OR4D9: variants seen among roughly 807,000 people sequenced by gnomAD.
OR4D9 encodes olfactory receptor 4D9.
OR4D9 carries 2 observed loss-of-function variants against 0.8 expected under a neutral mutation model. That is an observed-to-expected ratio of 2.58 (90% confidence interval 1.06 to 8.13). The LOEUF (loss-of-function observed/expected upper bound fraction) is 8.13. OR4D9 is among the 30% of genes most tolerant of loss of function. OR4D9 has a pLI of 0.04. For synonymous variants in OR4D9, 146 were observed against 151.2 expected, an observed-to-expected ratio of 0.97 and a Z score of 0.25; for missense variants, 399 against 384.7, an observed-to-expected ratio of 1.04 and a Z score of -0.31.
At chr11:59,513,948 G>T (rs1859365603) in intron 1 of OR4D9, among the ~76,000 whole-genome samples, 1 of 152,090 alleles carries the variant, frequency 6.6e-6, no homozygotes. Context: ...TCCAGCCTGG[G>T]CGACAGAGTG....
At position 59,514,696 on chromosome 11, in the gene OR4D9, C is replaced by G; in HGVS notation, c.-101C>G. On this transcript the variant is annotated 5_prime_UTR_variant, in exon 2 of 3. Transcript: ENST00000641962. ...AGCAGCAGCAGTGAGAGAACTTTGT[C>G]TCCTGGGATGACTGAATCAAAAACC... 1 of 476,548 alleles carries G rather than the reference C, an allele frequency of 2.1e-6. No homozygotes were observed. The highest frequency in any genetic ancestry group is 3.7e-6 in the Non-Finnish European group (1 of 273,008). 29.5% of individuals were successfully genotyped at this position (476,548 alleles called of 1,614,324 possible).
At chr11:59,513,157 C>A (rs995804668) in intron 1 of OR4D9, among the ~76,000 whole-genome samples, 8 of 152,100 alleles carry the variant, frequency 5.3e-5, no homozygotes, top group African/African-American at 1.9e-4. Context: ...TCATGACAAC[C>A]TCCGTCTCCT....
At chr11:59,513,668 G>T (rs1249935906) in intron 1 of OR4D9, among the ~76,000 whole-genome samples, 2 of 152,094 alleles carry the variant, frequency 1.3e-5, no homozygotes, top group Non-Finnish European at 2.9e-5. Context: ...GAGGTGTGGT[G>T]GCTCATGCTT....
In OR4D9 at chr11:59,519,646, T is replaced by C. The variant is rs1457276089; in HGVS notation, c.*3789T>C. The C allele has an allele frequency of 1.3e-5, 2 of 152,216 alleles. No homozygotes were observed. The highest frequency in any genetic ancestry group is 2.9e-5 in the Non-Finnish European group (2 of 68,038). 9.4% of individuals were successfully genotyped at this position (152,216 alleles called of 1,614,324 possible). A position where few individuals can be genotyped will look rare whatever the true frequency, so the allele number is the denominator to read the frequency against. Reference sequence around the variant, plus strand: ...ATGGGCTTGTTGTAAACAAGTTCGATTAATGCAGAAGCTCCTTTAGCAATG... The same window carrying C: ...ATGGGCTTGTTGTAAACAAGTTCGACTAATGCAGAAGCTCCTTTAGCAATG... On this transcript the variant is annotated 3_prime_UTR_variant, in exon 3 of 3. Coordinates refer to ENST00000641962, the MANE Select transcript of OR4D9 (RefSeq NM_001004711.2).
At position 59,519,780 on chromosome 11, in the gene OR4D9, T is replaced by C. The variant is rs1434544117; in HGVS notation, c.*3923T>C. The C allele has an allele frequency of 1.3e-5, 2 of 152,150 alleles. No individual in the cohort carries two copies. The highest frequency in any genetic ancestry group is 2.4e-5 in the African/African-American group (1 of 41,428). The allele number at this position is 152,150 out of a possible 1,614,324, so 9.4% of individuals were successfully genotyped here. On this transcript the variant is annotated 3_prime_UTR_variant, in exon 3 of 3. Coordinates refer to ENST00000641962, the MANE Select transcript of OR4D9 (RefSeq NM_001004711.2). ...GACACATGCACCTGTATGTTCACAG[T>C]AGCAAAGACAAGGAATCAGCCTAGG...
chr11:59,517,941 T>TC lies in OR4D9; in HGVS notation c.*2089dup, dbSNP rs1859425943. The TC allele has an allele frequency of 6.6e-6, 1 of 152,050 alleles. No individual in the cohort carries two copies. The highest frequency in any genetic ancestry group is 1.5e-5 in the Non-Finnish European group (1 of 68,012). 9.4% of individuals were successfully genotyped at this position (152,050 alleles called of 1,614,324 possible). On this transcript the variant is annotated 3_prime_UTR_variant, in exon 3 of 3. Transcript: ENST00000641962. ...AGCTCTCAAATGGGAAGCAACTGAC[T>TC]CCCCCTTATATAGCAGGATTAGCCA...
Position 59,515,585 on chromosome 11 carries a change from C to T in OR4D9, c.673C>T (p.Leu225=). 1.9e-6 allele frequency: 3 copies of T among 1,614,172 alleles called. No homozygotes were observed. Among genetic ancestry groups the T allele is most frequent in the Non-Finnish European group, 2.5e-6 (3 of 1,180,042 alleles). The part of the protein sequence containing the change: ...LISYTVILMM[L]RSHTGEGRRK... ...ATCTTACACGGTCATCTTGATGATG[C>T]TGAGGTCTCACACTGGGGAAGGCAG... The change falls in exon 3 of 3, where the codon CTG becomes TTG. Residue 225 remains leucine, a synonymous_variant. Transcript: ENST00000641962.
Position 59,514,774 on chromosome 11 carries a change from C to A in OR4D9, c.-31+8C>A. The A allele has an allele frequency of 1.6e-6, 1 of 623,450 alleles. No homozygotes were observed. Among genetic ancestry groups the A allele is most frequent in the Non-Finnish European group, 2.8e-6 (1 of 356,078 alleles). 38.6% of individuals were successfully genotyped at this position (623,450 alleles called of 1,614,324 possible). Reference sequence around the variant, plus strand: ...TACTGACTTGCAGACACAGTGAGTGCATAGGGAAAAGAGCTTCCTCCTAAT... The same window carrying A: ...TACTGACTTGCAGACACAGTGAGTGAATAGGGAAAAGAGCTTCCTCCTAAT... On this transcript the variant is annotated splice_region_variant and intron_variant, in intron 2 of 2. Transcript: ENST00000641962.
intron 1 of OR4D9, among the ~76,000 whole-genome samples, chr11:59,513,257 TAG>T (rs1469663674): frequency 6.6e-6 from 1 of 152,146 alleles, no homozygotes; most frequent in Non-Finnish European, 1.5e-5. Flanking sequence ...GTATTTTTAG[TAG>T]AGACGGGGTT....
rs1859375597 is a variant in OR4D9, at chr11:59,514,652, GACTTGCA to G, written c.-124-18_-124-12del. 2 of 375,640 alleles carry G rather than the reference GACTTGCA, an allele frequency of 5.3e-6. No homozygotes were observed. The highest frequency in any genetic ancestry group is 8.5e-5 in the Admixed American group (2 of 23,572). The allele number at this position is 375,640 out of a possible 1,614,324, so 23.3% of individuals were successfully genotyped here. A position where few individuals can be genotyped will look rare whatever the true frequency, so the allele number is the denominator to read the frequency against. On this transcript the variant is annotated splice_polypyrimidine_tract_variant and intron_variant, in intron 1 of 2. Coordinates refer to ENST00000641962, the MANE Select transcript of OR4D9 (RefSeq NM_001004711.2). ...GAAAGTACAATTGAATAGATTCACG[GACTTGCA>G]ACCTCTGTTTCAGCAGCAGCAGTGA...
Position 59,511,584 on chromosome 11 carries a change from C to A in OR4D9, c.-287C>A, listed in dbSNP as rs554936917. ...TTCTTCTAAAATGCAGCTGAGGCAT[C>A]ATAAGAGGATCAATTTCCCACTTAA... On this transcript the variant is annotated 5_prime_UTR_variant, in exon 1 of 3. Transcript: ENST00000641962. 1 of 152,298 alleles carries A rather than the reference C, an allele frequency of 6.6e-6. No individual in the cohort carries two copies. Among genetic ancestry groups the A allele is most frequent in the South Asian group, 2.1e-4 (1 of 4,826 alleles). The allele number at this position is 152,298 out of a possible 1,614,324, so 9.4% of individuals were successfully genotyped here. A position where few individuals can be genotyped will look rare whatever the true frequency, so the allele number is the denominator to read the frequency against.
rs572856875 is a variant in OR4D9 at position 59,520,559 on chromosome 11, A to G, written c.*4702A>G. On this transcript the variant is annotated 3_prime_UTR_variant, in exon 3 of 3. Coordinates refer to ENST00000641962, the MANE Select transcript of OR4D9 (RefSeq NM_001004711.2). Reference sequence around the variant, plus strand: ...ACACCAGCATGGCACATGTATATGTATGTAACTAACCTGCACATTGTGCAC... The same window carrying G: ...ACACCAGCATGGCACATGTATATGTGTGTAACTAACCTGCACATTGTGCAC... 1 of 152,140 alleles carries G rather than the reference A, an allele frequency of 6.6e-6. No homozygotes were observed. The highest frequency in any genetic ancestry group is 2.4e-5 in the African/African-American group (1 of 41,532). 9.4% of individuals were successfully genotyped at this position (152,140 alleles called of 1,614,324 possible).
Position 59,515,880 on chromosome 11 carries a change from A to G in OR4D9, c.*23A>G. 6.7e-7 allele frequency: 1 copy of G among 1,502,310 alleles called. No individual in the cohort carries two copies. Among genetic ancestry groups the G allele is most frequent in the Non-Finnish European group, 9.0e-7 (1 of 1,108,630 alleles). 93.1% of individuals were successfully genotyped at this position (1,502,310 alleles called of 1,614,324 possible). A position where few individuals can be genotyped will look rare whatever the true frequency, so the allele number is the denominator to read the frequency against. On this transcript the variant is annotated 3_prime_UTR_variant, in exon 3 of 3. Transcript: ENST00000641962. The stretch of plus-strand genomic sequence containing the variant: ...TAAGGGTAAGATAGTACCCATATTT[A>G]AAGATAGACATTAAATTTCACTTTC...
chr11:59,516,842 G>T lies in OR4D9; in HGVS notation c.*985G>T, dbSNP rs1859411271. ...GCACTTTGGGAGGCCAAGGCGGGTG[G>T]ATCACAAGGTCAGGAGATCGAGACC... is the stretch of plus-strand genomic sequence containing the variant. On this transcript the variant is annotated 3_prime_UTR_variant, in exon 3 of 3. Coordinates refer to ENST00000641962, the MANE Select transcript of OR4D9 (RefSeq NM_001004711.2). The T allele has an allele frequency of 6.6e-6, 1 of 152,154 alleles. No individual in the cohort carries two copies. Among genetic ancestry groups the T allele is most frequent in the Non-Finnish European group, 1.5e-5 (1 of 68,060 alleles). 9.4% of individuals were successfully genotyped at this position (152,154 alleles called of 1,614,324 possible).
At position 59,515,552 on chromosome 11, in the gene OR4D9, C is replaced by A. The variant is rs749509416; in HGVS notation, c.640C>A (p.Leu214Ile). ...AGTCAGTTGGTTTGTATTCTTCTTT[C>A]TCCTCATATCTTACACGGTCATCTT... ...GLVSWFVFFF[L>I]LISYTVILMM... Residue 214 changes from leucine to isoleucine, a missense_variant, in exon 3 of 3, where the codon CTC (leucine) becomes ATC (isoleucine). By Grantham distance (5) the Leu-to-Ile change is conservative. Coordinates refer to ENST00000641962, the MANE Select transcript of OR4D9 (RefSeq NM_001004711.2). 3 of 1,614,172 alleles carry A rather than the reference C, an allele frequency of 1.9e-6. No homozygotes were observed. In the South Asian group the frequency reaches 3.3e-5, roughly 18 times the overall value.
intron 1 of OR4D9, among the ~76,000 whole-genome samples, chr11:59,512,823 A>G (rs772404559): frequency 6.6e-5 from 10 of 152,092 alleles, no homozygotes; most frequent in African/African-American, 9.7e-5. Context: ...TGGGAGTGAG[A>G]TCCTGTCTCA....
At position 59,516,061 on chromosome 11, in the gene OR4D9, T is replaced by C; in HGVS notation, c.*204T>C. 1.9e-5 allele frequency: 10 copies of C among 533,706 alleles called. No individual in the cohort carries two copies. In the South Asian group the frequency reaches 2.3e-4, roughly 12 times the overall value. 33.1% of individuals were successfully genotyped at this position (533,706 alleles called of 1,614,324 possible). A position where few individuals can be genotyped will look rare whatever the true frequency, so the allele number is the denominator to read the frequency against. On this transcript the variant is annotated 3_prime_UTR_variant, in exon 3 of 3. Coordinates refer to ENST00000641962, the MANE Select transcript of OR4D9 (RefSeq NM_001004711.2). Reference sequence around the variant, plus strand: ...CACTCAAGTCTTTCCCTACTCACTTTCAATTATTCATTCCACAAATTTTTA... The same window carrying C: ...CACTCAAGTCTTTCCCTACTCACTTCCAATTATTCATTCCACAAATTTTTA...
rs2134586637 is a variant in OR4D9, at chr11:59,515,573, A to G, written c.661A>G (p.Ile221Val). 1 of 1,614,150 alleles carries G rather than the reference A, an allele frequency of 6.2e-7. No individual in the cohort carries two copies. The highest frequency in any genetic ancestry group is 2.2e-5 in the East Asian group (1 of 44,882). ...FFFLLISYTVILMMLRSHTGE... is the reference protein window; with the variant it reads ...FFFLLISYTVVLMMLRSHTGE... Reference sequence around the variant, plus strand: ...CTTTCTCCTCATATCTTACACGGTCATCTTGATGATGCTGAGGTCTCACAC... The same window carrying G: ...CTTTCTCCTCATATCTTACACGGTCGTCTTGATGATGCTGAGGTCTCACAC... Residue 221 changes from isoleucine to valine, a missense_variant, in exon 3 of 3, where the codon ATC becomes GTC. Transcript: ENST00000641962.
At position 59,515,703 on chromosome 11, in the gene OR4D9, C is replaced by T. The variant is rs1859396310; in HGVS notation, c.791C>T (p.Ala264Val). Residue 264 changes from alanine (A) to valine (V), a missense_variant, in exon 3 of 3, where the codon GCC becomes GTC. By Grantham distance (64) the Ala-to-Val change is moderately conservative (BLOSUM62 0). Coordinates refer to ENST00000641962, the MANE Select transcript of OR4D9 (RefSeq NM_001004711.2). ...CIYVYARPFT[A>V]LPTDTAISVT... Reference sequence around the variant, plus strand: ...TATGTCTATGCCCGGCCCTTCACTGCCCTCCCCACAGACACTGCCATCTCT... The same window carrying T: ...TATGTCTATGCCCGGCCCTTCACTGTCCTCCCCACAGACACTGCCATCTCT... The T allele has an allele frequency of 1.2e-6, 2 of 1,614,130 alleles. No homozygotes were observed. Among genetic ancestry groups the T allele is most frequent in the African/African-American group, 1.3e-5 (1 of 75,008 alleles).
Sources: gnomAD v4.1 joint callset for allele counts (sites outside exome capture counted in the v4.1 genomes callset) on GRCh38, gnomAD v4.1.1 for gene constraint, MANE v1.5 for transcripts, NCBI Gene and HGNC (gene_info 2026-07-23, HGNC 2026-07-21) for gene names.